The following SFRP1 variants were observed in gnomAD, a reference collection of about 807,000 sequenced individuals.
SFRP1 encodes secreted frizzled-related protein 1.
A neutral mutation model predicts 25.9 loss-of-function variants in SFRP1; 9 were observed. That is an observed-to-expected ratio of 0.35 (90% CI 0.21 to 0.61). The LOEUF (loss-of-function observed/expected upper bound fraction) is 0.61, where lower values mean the gene tolerates loss of function less well. Among genes scored for constraint, SFRP1 ranks in the 20% least tolerant of loss-of-function variants. SFRP1 has a pLI of 0.78. For missense variants in SFRP1, 346 were observed against 418.2 expected, an observed-to-expected ratio of 0.83 and a Z score of 1.51; for synonymous variants, 178 against 174.0, an observed-to-expected ratio of 1.02 and a Z score of -0.18.
chr8:41,279,438 C>T (rs961318138), intron 2 of SFRP1, among the ~76,000 whole-genome samples: 2 of 152,176 alleles, frequency 1.3e-5, no homozygotes, highest in South Asian at 2.1e-4. Flanking sequence ...CCAATAATGA[C>T]ACCCAGTTTC....
At chr8:41,307,980 C>T (rs1297550922) in intron 1 of SFRP1, among the ~76,000 whole-genome samples, 1 of 152,226 alleles carries the variant, frequency 6.6e-6, no homozygotes, top group African/African-American at 2.4e-5. Context: ...GAGGGCAGAG[C>T]TGGTACCTGG....
intron 2 of SFRP1, among the ~76,000 whole-genome samples, chr8:41,292,374 C>T (rs186501009): frequency 1.3e-5 from 2 of 152,130 alleles, no homozygotes; most frequent in African/African-American, 4.8e-5. Flanking sequence ...GCTGTTCTCA[C>T]GAGAGTGAGT....
At chr8:41,300,521 G>A (rs906713189) in intron 2 of SFRP1, among the ~76,000 whole-genome samples, 12 of 152,136 alleles carry the variant, frequency 7.9e-5, no homozygotes, top group East Asian at 3.9e-4. Flanking sequence ...GAAAGCTTAC[G>A]GGTGTTTACA....
At chr8:41,295,545 T>A (rs1406813568) in intron 2 of SFRP1, among the ~76,000 whole-genome samples, 22 of 134,240 alleles carry the variant, frequency 1.6e-4, no homozygotes, top group Non-Finnish European at 3.5e-4. Flanking sequence ...AAAAAAAAAA[T>A]TCACTACAGT....
intron 2 of SFRP1, among the ~76,000 whole-genome samples, chr8:41,302,568 A>ACACTGAGTCTTC (rs1327527801): frequency 6.6e-6 from 1 of 152,238 alleles, no homozygotes; most frequent in Non-Finnish European, 1.5e-5. Flanking sequence ...GTTCAGCATC[A>ACACTGAGTCTTC]CACTGAGTCT....
intron 2 of SFRP1, among the ~76,000 whole-genome samples, chr8:41,282,706 T>C (rs1363323214): frequency 2.0e-5 from 3 of 152,180 alleles, no homozygotes; most frequent in African/African-American, 4.8e-5. Context: ...TTTTATACAA[T>C]GTGAACACAT....
chr8:41,287,439 G>T (rs1474428622), intron 2 of SFRP1, among the ~76,000 whole-genome samples: 4 of 152,218 alleles, frequency 2.6e-5, no homozygotes, highest in Non-Finnish European at 4.4e-5. Context: ...TGGAGAGTGG[G>T]TAAGAGCACC....
chr8:41,297,728 C>G (rs888118348), intron 2 of SFRP1, among the ~76,000 whole-genome samples: 17 of 151,980 alleles, frequency 1.1e-4, no homozygotes, highest in Middle Eastern at 3.2e-3. Flanking sequence ...GGATTTAATC[C>G]AAGTCTGTCT....
chr8:41,277,637 A>G (rs1223457055), intron 2 of SFRP1, among the ~76,000 whole-genome samples: 2 of 152,134 alleles, frequency 1.3e-5, no homozygotes, highest in African/African-American at 4.8e-5. Context: ...ATTTTTAGAG[A>G]CCAGGTCTCA....
At chr8:41,269,603 C>G (rs1480358699) in intron 2 of SFRP1, among the ~76,000 whole-genome samples, 3 of 152,198 alleles carry the variant, frequency 2.0e-5, no homozygotes, top group Non-Finnish European at 2.9e-5. Flanking sequence ...CAAACCCTCA[C>G]ATTCTTCAAA....
At position 41,265,377 on chromosome 8, in the gene SFRP1, C is replaced by A. The variant is rs1460022173; in HGVS notation, c.735G>T (p.Lys245Asn). 1.2e-6 allele frequency: 2 copies of A among 1,614,026 alleles called. No individual in the cohort carries two copies. The highest frequency in any genetic ancestry group is 2.2e-5 in the East Asian group (1 of 44,882). The stretch of plus-strand genomic sequence containing the variant: ...CCCCATTCTTCAGGTACAGCACAAG[C>A]TTCTTCAGGTCCTTCTTCTTGATGG... Reference protein sequence around the residue: ...LGPIKKKDLKKLVLYLKNGAD... With the variant: ...LGPIKKKDLKNLVLYLKNGAD... The change falls in exon 3 of 3, where the codon AAG becomes AAT. Residue 245 changes from lysine to asparagine, a missense_variant. Lys to Asn is a moderately conservative substitution (Grantham distance 94). Transcript: ENST00000220772.
intron 2 of SFRP1, among the ~76,000 whole-genome samples, chr8:41,302,299 A>G (rs1022912617): frequency 6.6e-6 from 1 of 152,076 alleles, no homozygotes; most frequent in Non-Finnish European, 1.5e-5. Flanking sequence ...TTCATCCACA[A>G]TTGCAATACC....
Position 41,264,350 on chromosome 8 carries a change from A to C in SFRP1, c.*817T>G, listed in dbSNP as rs1008474179. On this transcript the variant is annotated 3_prime_UTR_variant, in exon 3 of 3. Coordinates refer to ENST00000220772, the MANE Select transcript of SFRP1 (RefSeq NM_003012.5). ...TTCTTTTTTAACTATGTGTTTTGAA[A>C]ACTACTGCCTTCTCAGCCCGAAAAT... 2 of 152,272 alleles carry C rather than the reference A, an allele frequency of 1.3e-5. No individual in the cohort carries two copies. Among genetic ancestry groups the C allele is most frequent in the Non-Finnish European group, 2.9e-5 (2 of 68,032 alleles). The allele number at this position is 152,272 out of a possible 1,614,324, so 9.4% of individuals were successfully genotyped here. A position where few individuals can be genotyped will look rare whatever the true frequency, so the allele number is the denominator to read the frequency against.
chr8:41,283,942 C>G (rs1286079309), intron 2 of SFRP1, among the ~76,000 whole-genome samples: 1 of 152,132 alleles, frequency 6.6e-6, no homozygotes, highest in Non-Finnish European at 1.5e-5. Flanking sequence ...CTTTGCTCAG[C>G]CTGACTGTTC....
Position 41,303,468 on chromosome 8 carries a change from G to C in SFRP1, c.615C>G (p.Ser205Arg). The change falls in exon 2 of 3, where the codon AGC (serine) becomes AGG (arginine). Residue 205 changes from serine (S) to arginine (R), a missense_variant. Transcript: ENST00000220772. ...SEAIIEHLCASEFALRMKIKE... is the reference protein window; with the variant it reads ...SEAIIEHLCAREFALRMKIKE... ...CTAGAAACGCTTTCTTACCAAACTC[G>C]CTGGCACAGAGATGTTCAATGATGG... 1.2e-6 allele frequency: 2 copies of C among 1,613,314 alleles called. No individual in the cohort carries two copies. The highest frequency in any genetic ancestry group is 1.7e-6 in the Non-Finnish European group (2 of 1,179,434).
At chr8:41,278,558 G>A (rs1803597689) in intron 2 of SFRP1, among the ~76,000 whole-genome samples, 1 of 152,196 alleles carries the variant, frequency 6.6e-6, no homozygotes, top group Non-Finnish European at 1.5e-5. Context: ...ATCCAGTAGA[G>A]AAGCCCAGAC....
intron 2 of SFRP1, among the ~76,000 whole-genome samples, chr8:41,289,251 G>A (rs1400578786): frequency 1.3e-5 from 2 of 152,168 alleles, no homozygotes; most frequent in African/African-American, 4.8e-5. Context: ...CCTAACTGCA[G>A]AGCTGGAGGA....
At chr8:41,305,538 C>T (rs751587962) in intron 1 of SFRP1, among the ~76,000 whole-genome samples, 2 of 152,148 alleles carry the variant, frequency 1.3e-5, no homozygotes, top group Non-Finnish European at 2.9e-5. Context: ...ATGTGTGATG[C>T]GGTATTAACC....
chr8:41,278,856 G>T (rs1803601825), intron 2 of SFRP1, among the ~76,000 whole-genome samples: 1 of 152,198 alleles, frequency 6.6e-6, no homozygotes, highest in African/African-American at 2.4e-5. Context: ...GACAAAGTTA[G>T]TCCAATGCCT....
Sources: gnomAD v4.1 joint callset for allele counts (sites outside exome capture counted in the v4.1 genomes callset) on GRCh38, gnomAD v4.1.1 for gene constraint, MANE v1.5 for transcripts, NCBI Gene and HGNC (gene_info 2026-07-23, HGNC 2026-07-21) for gene names.